CIBAR1: variants seen among roughly 807,000 people sequenced by gnomAD.
CIBAR1 encodes the protein CBY1 interacting BAR domain containing 1.
CIBAR1 carries 25 observed loss-of-function variants against 44.0 expected under a neutral mutation model. That is an observed-to-expected ratio of 0.57 (90% confidence interval 0.41 to 0.79). CIBAR1 has a LOEUF of 0.79. CIBAR1 is among the 30% of genes least tolerant of loss of function. The pLI is 0.00. For synonymous variants in CIBAR1, 115 were observed against 119.0 expected (o/e 0.97, Z 0.22); for missense variants, 278 against 344.8 (o/e 0.81, Z 1.53).
At chr8:93,710,965 A>G (rs893262150) in intron 6 of CIBAR1, among the ~76,000 whole-genome samples, 1 of 152,204 alleles carries the variant, frequency 6.6e-6, no homozygotes, top group East Asian at 1.9e-4. Flanking sequence ...ATTAATTTTT[A>G]TAGCTTAATA....
intron 1 of CIBAR1, 167 bp downstream of exon 1, chr8:93,700,840 G>A: frequency 7.6e-7 from 1 of 1,311,334 alleles, no homozygotes. Flanking sequence ...TGCAGCCACC[G>A]CCGGCGGCGA....
intron 7 of CIBAR1, among the ~76,000 whole-genome samples, chr8:93,722,542 TA>T (rs1811306922): frequency 6.6e-6 from 1 of 151,888 alleles, no homozygotes; most frequent in Non-Finnish European, 1.5e-5. Context: ...ACTAAAGATA[TA>T]AAAAATTAGC....
intron 7 of CIBAR1, among the ~76,000 whole-genome samples, chr8:93,723,985 A>G (rs1322686785): frequency 6.6e-6 from 1 of 152,220 alleles, no homozygotes; most frequent in Non-Finnish European, 1.5e-5. Flanking sequence ...TAATCTCAGC[A>G]TTACGGGAGG....
intron 6 of CIBAR1, among the ~76,000 whole-genome samples, chr8:93,714,458 G>A (rs903584888): frequency 2.0e-5 from 3 of 152,044 alleles, no homozygotes; most frequent in Non-Finnish European, 2.9e-5. Context: ...AGAAATATGA[G>A]CACTAGATAT....
Position 93,704,949 on chromosome 8 carries a change from C to A in CIBAR1, c.371C>A (p.Ala124Asp), listed in dbSNP as rs201566211. ...ACACTCACAGCAAGGAATCGAGAAG[C>A]TAAGCAATTAACTCAGTTAGAAAGA... Reference protein sequence around the residue: ...KATLTARNREAKQLTQLERTR... With the variant: ...KATLTARNREDKQLTQLERTR... The change falls in exon 4 of 9, where the codon GCT becomes GAT. Residue 124 changes from alanine to aspartate, a missense_variant. Transcript: ENST00000518322. The A allele has an allele frequency of 9.9e-5, 159 of 1,611,252 alleles. 1 individual carries two copies. The Middle Eastern group carries it at 5.9e-3, about 60-fold the overall frequency.
At chr8:93,708,982 G>A (rs2130309290) in intron 5 of CIBAR1, among the ~76,000 whole-genome samples, 1 of 152,220 alleles carries the variant, frequency 6.6e-6, no homozygotes, top group African/African-American at 2.4e-5. Context: ...TAAGCATAAA[G>A]AGTAAGAGAT....
chr8:93,727,978 AAAATC>A (rs1259964840), intron 8 of CIBAR1, among the ~76,000 whole-genome samples: 9 of 152,082 alleles, frequency 5.9e-5, no homozygotes, highest in Admixed American at 5.2e-4. Context: ...CTATCCAACT[AAAATC>A]AAATGGCTAA....
intron 3 of CIBAR1, among the ~76,000 whole-genome samples, chr8:93,704,270 C>A (rs1425785959): frequency 1.3e-5 from 2 of 152,076 alleles, no homozygotes; most frequent in Non-Finnish European, 2.9e-5. Flanking sequence ...ATAAGTTTTT[C>A]TTTAAAGCGA....
intron 6 of CIBAR1, among the ~76,000 whole-genome samples, chr8:93,717,175 G>T (rs1038136078): frequency 5.9e-5 from 9 of 152,172 alleles, no homozygotes; most frequent in African/African-American, 2.2e-4. Context: ...ATTAAAAATG[G>T]GTGTATTGGC....
At chr8:93,719,930 T>C (rs900398793) in intron 7 of CIBAR1, 5 of 152,116 alleles carry the variant, frequency 3.3e-5, no homozygotes, top group Middle Eastern at 3.4e-3. Flanking sequence ...AATATGGAAG[T>C]GTCTACCACT....
intron 3 of CIBAR1, 128 bp downstream of exon 3, chr8:93,703,816 A>T (rs777798784): frequency 1.2e-5 from 8 of 691,262 alleles, no homozygotes; most frequent in Non-Finnish European, 1.8e-5. Context: ...TGTAATCCCA[A>T]CACTTTGGGA....
intron 6 of CIBAR1, chr8:93,715,684 T>C (rs932583925): frequency 6.6e-6 from 1 of 152,234 alleles, no homozygotes; most frequent in East Asian, 1.9e-4. Context: ...ACCGTATATA[T>C]AGCATCTCTT....
rs532975674 is a variant in CIBAR1, at chr8:93,728,934, A to C, written c.*637A>C. 6.6e-6 allele frequency: 1 copy of C among 152,240 alleles called. No individual in the cohort carries two copies. Among genetic ancestry groups the C allele is most frequent in the South Asian group, 2.1e-4 (1 of 4,830 alleles). 9.4% of individuals were successfully genotyped at this position (152,240 alleles called of 1,614,324 possible). On this transcript the variant is annotated 3_prime_UTR_variant, in exon 9 of 9. Transcript: ENST00000518322. Reference sequence around the variant, plus strand: ...AACAAAACTGCTGTCATAATTATACATGATACTGCAACTTTTGGAAGGCTA... The same window carrying C: ...AACAAAACTGCTGTCATAATTATACCTGATACTGCAACTTTTGGAAGGCTA...
At chr8:93,714,874 G>A (rs56408246) in intron 6 of CIBAR1, among the ~76,000 whole-genome samples, 150 of 152,256 alleles carry the variant, frequency 9.9e-4, no homozygotes, top group Middle Eastern at 3.4e-3. Flanking sequence ...TAAATGCCTG[G>A]AAAAGTCAGA....
chr8:93,727,654 AAAC>A (rs1330426949), intron 8 of CIBAR1, among the ~76,000 whole-genome samples: 3 of 152,344 alleles, frequency 2.0e-5, no homozygotes, highest in African/African-American at 4.8e-5. Flanking sequence ...CAATACTGAC[AAAC>A]AACAGTGTCT....
intron 6 of CIBAR1, among the ~76,000 whole-genome samples, chr8:93,716,987 T>C (rs1811060074): frequency 6.6e-6 from 1 of 152,248 alleles, no homozygotes; most frequent in African/African-American, 2.4e-5. Flanking sequence ...GCTTTACTGT[T>C]AGTCATTACA....
chr8:93,707,902 AAT>A (rs1212862532), intron 4 of CIBAR1, 107 bp from the exon 5 acceptor site: 1 of 637,278 alleles, frequency 1.6e-6, no homozygotes, highest in Non-Finnish European at 2.5e-6. Flanking sequence ...GGTTACAATT[AAT>A]ATATAACCTA....
At chr8:93,707,173 C>T (rs539844682) in intron 4 of CIBAR1, 87 of 390,038 alleles carry the variant, frequency 2.2e-4, no homozygotes, top group African/African-American at 1.8e-3. Context: ...TAATCCAAAG[C>T]ATTTCCTACT....
At chr8:93,726,553 G>A in intron 8 of CIBAR1, 40 bp downstream of exon 8, 1 of 1,605,946 alleles carries the variant, frequency 6.2e-7, no homozygotes, top group Non-Finnish European at 8.5e-7. Flanking sequence ...TTGAGCTGCT[G>A]CCTTTGGAAT....
Sources: gnomAD v4.1 joint callset for allele counts (sites outside exome capture counted in the v4.1 genomes callset) on GRCh38, gnomAD v4.1.1 for gene constraint, MANE v1.5 for transcripts, NCBI Gene and HGNC (gene_info 2026-07-23, HGNC 2026-07-21) for gene names.